CCDC148: variants seen among roughly 807,000 people sequenced by gnomAD.
CCDC148 encodes coiled-coil domain containing 148, also known as coiled-coil domain-containing protein 148.
A neutral mutation model predicts 85.7 loss-of-function variants in CCDC148; 89 were observed. The ratio of observed to expected loss-of-function variants is 1.04; its 90% confidence interval spans 0.87 to 1.24. The LOEUF (loss-of-function observed/expected upper bound fraction) is 1.24, where lower values mean the gene tolerates loss of function less well. Ranked by LOEUF, CCDC148 falls within the 50% of genes most tolerant of loss-of-function variation. CCDC148 has a pLI of 0.00. For missense variants in CCDC148, 692 were observed against 671.7 expected (o/e 1.03, Z -0.33); for synonymous variants, 230 against 213.9 (o/e 1.08, Z -0.66).
chr2:158,324,636 T>C (rs1232485449), intron 7 of CCDC148, among the ~76,000 whole-genome samples: 4 of 152,196 alleles, frequency 2.6e-5, no homozygotes, highest in African/African-American at 4.8e-5. Flanking sequence ...ATAAAGATTT[T>C]TGATGACATG....
At chr2:158,180,066 G>C (rs566498386) in intron 11 of CCDC148, among the ~76,000 whole-genome samples, 2 of 152,242 alleles carry the variant, frequency 1.3e-5, no homozygotes, top group African/African-American at 4.8e-5. Flanking sequence ...AAAAGAGTAG[G>C]CACCTGGGTT....
At chr2:158,210,767 C>T (rs1475722629) in intron 11 of CCDC148, among the ~76,000 whole-genome samples, 1 of 136,250 alleles carries the variant, frequency 7.3e-6, no homozygotes, top group African/African-American at 2.8e-5. Context: ...CATGCTGAAA[C>T]CGTGTCTCTA....
chr2:158,451,037 T>C (rs562619836), intron 1 of CCDC148, among the ~76,000 whole-genome samples: 1 of 152,338 alleles, frequency 6.6e-6, no homozygotes, highest in East Asian at 1.9e-4. Flanking sequence ...TAGTCTGTCT[T>C]CAAGTTCACT....
chr2:158,229,122 A>G (rs1399910336), intron 10 of CCDC148, among the ~76,000 whole-genome samples: 5 of 152,116 alleles, frequency 3.3e-5, no homozygotes, highest in Admixed American at 3.3e-4. Context: ...TGTAATTCTC[A>G]TAATTCTATG....
At chr2:158,446,946 C>T (rs957420951) in intron 1 of CCDC148, among the ~76,000 whole-genome samples, 3 of 151,980 alleles carry the variant, frequency 2.0e-5, no homozygotes, top group African/African-American at 7.3e-5. Context: ...ATCAGTAGTT[C>T]ATTATTTTTA....
chr2:158,284,929 C>T (rs1408027340), intron 9 of CCDC148, among the ~76,000 whole-genome samples: 1 of 152,134 alleles, frequency 6.6e-6, no homozygotes, highest in Non-Finnish European at 1.5e-5. Flanking sequence ...ATTATGAACA[C>T]TGACATTTAA....
intron 7 of CCDC148, among the ~76,000 whole-genome samples, chr2:158,326,589 T>A (rs1692789291): frequency 6.6e-6 from 1 of 152,180 alleles, no homozygotes; most frequent in Non-Finnish European, 1.5e-5. Flanking sequence ...ACCATTCAAT[T>A]AACTTGCAAA....
At chr2:158,404,285 A>C (rs748269972) in intron 1 of CCDC148, among the ~76,000 whole-genome samples, 2 of 152,126 alleles carry the variant, frequency 1.3e-5, no homozygotes, top group Non-Finnish European at 2.9e-5. Context: ...TCTGTGCAGC[A>C]TAGTCATGTA....
intron 1 of CCDC148, among the ~76,000 whole-genome samples, chr2:158,410,825 T>C (rs1472649648): frequency 6.6e-6 from 1 of 152,184 alleles, no homozygotes; most frequent in African/African-American, 2.4e-5. Context: ...TGCTTTTATG[T>C]GTCTGTTTAG....
intron 1 of CCDC148, among the ~76,000 whole-genome samples, chr2:158,376,552 G>C (rs1225109979): frequency 6.6e-6 from 1 of 151,928 alleles, no homozygotes; most frequent in Non-Finnish European, 1.5e-5. Context: ...AATATGTTTT[G>C]AATAAATAAG....
intron 7 of CCDC148, among the ~76,000 whole-genome samples, chr2:158,324,213 G>C (rs1692656221): frequency 6.6e-6 from 1 of 151,764 alleles, no homozygotes; most frequent in Non-Finnish European, 1.5e-5. Flanking sequence ...CACTGCACCT[G>C]GCCCAGGATA....
chr2:158,430,710 T>A (rs2105332073), intron 1 of CCDC148, among the ~76,000 whole-genome samples: 1 of 152,254 alleles, frequency 6.6e-6, no homozygotes, highest in East Asian at 1.9e-4. Context: ...AATTATCACA[T>A]GTACCCTGAA....
chr2:158,352,484 A>G (rs1055621485), intron 2 of CCDC148, among the ~76,000 whole-genome samples: 1 of 152,194 alleles, frequency 6.6e-6, no homozygotes, highest in Non-Finnish European at 1.5e-5. Context: ...CAGCAACGGA[A>G]GATGAAATGA....
At chr2:158,274,266 A>G (rs1285891479) in intron 9 of CCDC148, among the ~76,000 whole-genome samples, 3 of 152,130 alleles carry the variant, frequency 2.0e-5, no homozygotes, top group Non-Finnish European at 4.4e-5. Context: ...GTTTAAAGAG[A>G]TTTTCAGGTG....
Position 158,456,559 on chromosome 2 carries a change from GC to G in CCDC148, c.-121del. ...GGGCTCAGCTGTTCCTACCTTTGAC[GC>G]CAGGGACAAACCCTACCAGGCACAG... On this transcript the variant is annotated 5_prime_UTR_variant, in exon 1 of 14. Coordinates refer to ENST00000283233, the MANE Select transcript of CCDC148 (RefSeq NM_138803.4). 7.8e-7 allele frequency: 1 copy of G among 1,278,040 alleles called. No individual in the cohort carries two copies. The highest frequency in any genetic ancestry group is 1.5e-5 in the African/African-American group (1 of 66,370). 79.2% of individuals were successfully genotyped at this position (1,278,040 alleles called of 1,614,324 possible). A position where few individuals can be genotyped will look rare whatever the true frequency, so the allele number is the denominator to read the frequency against.
chr2:158,274,232 T>C (rs1308717171), intron 9 of CCDC148, among the ~76,000 whole-genome samples: 2 of 152,210 alleles, frequency 1.3e-5, no homozygotes, highest in Non-Finnish European at 2.9e-5. Context: ...ATATGCAGTC[T>C]CAGGCTTCAC....
At chr2:158,231,845 C>A (rs922802927) in intron 10 of CCDC148, among the ~76,000 whole-genome samples, 3 of 152,084 alleles carry the variant, frequency 2.0e-5, no homozygotes, top group African/African-American at 7.2e-5. Context: ...TGGTAAAGGC[C>A]AAACTAAGTA....
rs1373719963 is a variant in CCDC148, at chr2:158,226,765, C to G, written c.1252-6052G>C. 2.0e-5 allele frequency among the ~76,000 whole-genome samples: 3 copies of G among 152,046 alleles called. No individual in the cohort carries two copies. In the East Asian group the frequency reaches 5.8e-4, roughly 29 times the overall value. On this transcript the variant is annotated intron_variant, in intron 10 of 13. Transcript: ENST00000283233. Reference sequence around the variant, plus strand: ...TGACAAAATTCAACAGCCCTTCATGCTAAAAACTCTCAATAAATTAGGTAT... The same window carrying G: ...TGACAAAATTCAACAGCCCTTCATGGTAAAAACTCTCAATAAATTAGGTAT...
chr2:158,449,826 A>G (rs1361760599), intron 1 of CCDC148, among the ~76,000 whole-genome samples: 1 of 152,222 alleles, frequency 6.6e-6, no homozygotes, highest in Non-Finnish European at 1.5e-5. Context: ...TTAGAAGGAA[A>G]GCATGGAGTC....
Sources: allele counts gnomAD v4.1 joint callset (sites outside exome capture counted in the v4.1 genomes callset), GRCh38; gene constraint gnomAD v4.1.1; transcripts MANE v1.5; gene names NCBI Gene and HGNC (gene_info 2026-07-23, HGNC 2026-07-21).